The following FAM107B variants were observed in gnomAD, a reference collection of about 807,000 sequenced individuals.
The protein encoded by FAM107B is protein FAM107B.
Under a neutral mutation model 31.5 loss-of-function variants are expected in FAM107B, and 21 were observed. The ratio of observed to expected loss-of-function variants is 0.67; its 90% confidence interval spans 0.47 to 0.96. The LOEUF (loss-of-function observed/expected upper bound fraction) is 0.96. FAM107B is among the 40% of genes least tolerant of loss of function. The pLI, the probability that FAM107B is intolerant of heterozygous loss-of-function variation, is 0.00. For synonymous variants in FAM107B, 157 were observed against 141.5 expected (o/e 1.11, Z -0.78); for missense variants, 452 against 377.1 (o/e 1.20, Z -1.64).
intron 1 of FAM107B, among the ~76,000 whole-genome samples, chr10:14,770,975 T>TA (rs56378196): frequency 0.026 from 1,557 of 58,970 alleles, 101 homozygotes; most frequent in Non-Finnish European, 0.036. Context: ...GAGGCTGAAC[T>TA]AAAAAAAAAA....
At chr10:14,723,460 G>T in intron 1 of FAM107B, 2 of 563,164 alleles carry the variant, frequency 3.6e-6, no homozygotes, top group Non-Finnish European at 6.8e-6. Context: ...GTAGAGATCA[G>T]GCATGACCTG....
Position 14,727,697 on chromosome 10 carries a change from C to T in FAM107B, c.411+46556G>A, listed in dbSNP as rs11259292. 7.7e-3 allele frequency among the ~76,000 whole-genome samples: 1,174 copies of T among 152,352 alleles called. 20 individuals carry two copies. The highest frequency in any genetic ancestry group is 0.027 in the African/African-American group (1,133 of 41,578). On this transcript the variant is annotated intron_variant, in intron 1 of 4. Transcript: ENST00000181796. ...TCCACTGTGGCAGCTGACTTAATAA[C>T]AGACTTCCCTTCCTCGAATCACTTC... is the stretch of plus-strand genomic sequence containing the variant.
At chr10:14,634,062 T>G (rs1227363148) in intron 2 of FAM107B, among the ~76,000 whole-genome samples, 2 of 152,164 alleles carry the variant, frequency 1.3e-5, no homozygotes, top group Non-Finnish European at 2.9e-5. Context: ...GTTATGCTTT[T>G]AAGACATTGT....
chr10:14,691,997 C>G (rs538949969), intron 1 of FAM107B, among the ~76,000 whole-genome samples: 2 of 152,142 alleles, frequency 1.3e-5, no homozygotes, highest in East Asian at 3.9e-4. Context: ...TGCATCATCT[C>G]TCCTAGGAAT....
intron 2 of FAM107B, among the ~76,000 whole-genome samples, chr10:14,657,439 C>T (rs1428892017): frequency 2.0e-5 from 3 of 152,192 alleles, no homozygotes; most frequent in Non-Finnish European, 4.4e-5. Flanking sequence ...AAGTCTCGTT[C>T]ACTTCAGACT....
At chr10:14,629,380 A>ATAATATATTATATATT (rs1853269674) in intron 2 of FAM107B, among the ~76,000 whole-genome samples, 1 of 10,352 alleles carries the variant, frequency 9.7e-5, no homozygotes, top group Non-Finnish European at 2.0e-4. Context: ...TTTAATATAT[A>ATAATATATTATATATT]TAATATATAT....
At chr10:14,735,291 AT>A (rs35706686) in intron 1 of FAM107B, among the ~76,000 whole-genome samples, 28 of 149,126 alleles carry the variant, frequency 1.9e-4, no homozygotes, top group East Asian at 1.2e-3. Context: ...ATTTTTTGCA[AT>A]TTTTTTTTTT....
At chr10:14,564,720 C>A (rs183037957) in intron 2 of FAM107B, among the ~76,000 whole-genome samples, 2 of 152,094 alleles carry the variant, frequency 1.3e-5, no homozygotes, top group Non-Finnish European at 2.9e-5. Flanking sequence ...CAGATCGCAA[C>A]AGAAATAAGG....
At chr10:14,745,213 G>C (rs146978489) in intron 1 of FAM107B, among the ~76,000 whole-genome samples, 53 of 151,892 alleles carry the variant, frequency 3.5e-4, no homozygotes, top group African/African-American at 1.3e-3. Context: ...TGTTAGTCTA[G>C]TTAGTGGTCT....
At chr10:14,538,348 C>T (rs1387882412) in intron 2 of FAM107B, among the ~76,000 whole-genome samples, 15 of 152,128 alleles carry the variant, frequency 9.9e-5, no homozygotes, top group Admixed American at 7.2e-4. Flanking sequence ...AAGTAAACAG[C>T]GGTGTGCTGA....
At position 14,559,111 on chromosome 10, in the gene FAM107B, A is replaced by C. The variant is rs199809917; in HGVS notation, c.470-28596T>G. Reference sequence around the variant, plus strand: ...ACCTGTGGAACTTCAAAAAAAAAAAAAAAAAACAAAAAAAAAACACCTGGT... The same window carrying C: ...ACCTGTGGAACTTCAAAAAAAAAAACAAAAAACAAAAAAAAAACACCTGGT... On this transcript the variant is annotated intron_variant, in intron 2 of 4. Coordinates refer to ENST00000181796, the MANE Select transcript of FAM107B (RefSeq NM_031453.4). Among the ~76,000 whole-genome samples the C allele has an allele frequency of 6.3e-3, 218 of 34,748 alleles. 1 individual carries two copies. The highest frequency in any genetic ancestry group is 0.018 in the Admixed American group (68 of 3,738). 22.8% of individuals were successfully genotyped at this position (34,748 alleles called of 152,430 possible).
chr10:14,625,153 G>C (rs1338041043), intron 2 of FAM107B, among the ~76,000 whole-genome samples: 1 of 151,340 alleles, frequency 6.6e-6, no homozygotes, highest in Admixed American at 6.6e-5. Context: ...TAAACTCGGG[G>C]AAACAGAGGT....
chr10:14,738,051 C>T (rs1856350112), intron 1 of FAM107B, among the ~76,000 whole-genome samples: 1 of 152,142 alleles, frequency 6.6e-6, no homozygotes, highest in Non-Finnish European at 1.5e-5. Flanking sequence ...CCAATTTACA[C>T]ACACGGTCTC....
chr10:14,622,112 T>G (rs1297292401), intron 2 of FAM107B, among the ~76,000 whole-genome samples: 3 of 152,148 alleles, frequency 2.0e-5, no homozygotes, highest in Non-Finnish European at 4.4e-5. Context: ...ATAAAGTCCA[T>G]CTTTCAATAT....
At position 14,774,280 on chromosome 10, in the gene FAM107B, G is replaced by A; in HGVS notation, c.384C>T (p.Pro128=). ...CEAVVFHASI[P]RPSIIDTPKE... is the part of the protein sequence containing the mutation. Reference sequence around the variant, plus strand: ...TGGGCGTGTCAATAATTGATGGTCTGGGGATGGAAGCGTGAAACACCACTG... The same window carrying A: ...TGGGCGTGTCAATAATTGATGGTCTAGGGATGGAAGCGTGAAACACCACTG... The change falls in exon 1 of 5, where the codon CCC becomes CCT. Residue 128 remains proline, a synonymous_variant. Transcript: ENST00000181796. 1 of 1,613,200 alleles carries A rather than the reference G, an allele frequency of 6.2e-7. No homozygotes were observed. The highest frequency in any genetic ancestry group is 8.5e-7 in the Non-Finnish European group (1 of 1,179,360).
At chr10:14,715,955 C>A (rs576472273) in intron 1 of FAM107B, among the ~76,000 whole-genome samples, 5 of 152,214 alleles carry the variant, frequency 3.3e-5, no homozygotes, top group African/African-American at 1.2e-4. Flanking sequence ...ATCACGTGAG[C>A]CAATTTCCAT....
chr10:14,628,118 T>TTTTGTTTTTTTTTTTTG (rs1325672825), intron 2 of FAM107B, among the ~76,000 whole-genome samples: 5 of 122,934 alleles, frequency 4.1e-5, no homozygotes, highest in Non-Finnish European at 6.6e-5. Context: ...GCTGGTTTTT[T>TTTTGTTTTTTTTTTTTG]TTTTTTTTTT....
At chr10:14,686,803 G>A (rs7901996) in intron 1 of FAM107B, among the ~76,000 whole-genome samples, 105,720 of 151,568 alleles carry the variant, frequency 0.7, 37,102 homozygotes, top group Middle Eastern at 0.8. Flanking sequence ...AAGTTGTTCA[G>A]TGCCAATTAA....
intron 2 of FAM107B, among the ~76,000 whole-genome samples, chr10:14,618,200 C>T (rs7921651): frequency 0.24 from 36,809 of 152,030 alleles, 4,637 homozygotes; most frequent in Admixed American, 0.33. Context: ...CTTCACAAGA[C>T]GCTTTTGAGA....
Sources: allele counts gnomAD v4.1 joint callset (sites outside exome capture counted in the v4.1 genomes callset), GRCh38; gene constraint gnomAD v4.1.1; transcripts MANE v1.5; gene names NCBI Gene and HGNC (gene_info 2026-07-23, HGNC 2026-07-21).